TES: variants seen among roughly 807,000 people sequenced by gnomAD.
The protein encoded by TES is testin LIM domain protein, also known as testin.
Under a neutral mutation model 48.2 loss-of-function variants are expected in TES, and 41 were observed. That is an observed-to-expected ratio of 0.85 (90% confidence interval 0.66 to 1.10). The LOEUF (loss-of-function observed/expected upper bound fraction) is 1.10. Among genes scored for constraint, TES ranks in the 50% least tolerant of loss-of-function variants. The probability of loss-of-function intolerance (pLI) is 0.00; values close to 1 mark genes in which losing one functional copy is unlikely to be tolerated. For synonymous variants in TES, 162 were observed against 174.9 expected (o/e 0.93, Z 0.58); for missense variants, 463 against 515.1 (o/e 0.90, Z 0.98).
chr7:116,219,260 C>T (rs1023324475), intron 1 of TES, among the ~76,000 whole-genome samples: 10 of 152,088 alleles, frequency 6.6e-5, no homozygotes, highest in African/African-American at 2.2e-4. Flanking sequence ...TCAGTTTTGT[C>T]TCTTCTAAAA....
At chr7:116,216,066 C>T (rs1351891335) in intron 1 of TES, among the ~76,000 whole-genome samples, 7 of 152,218 alleles carry the variant, frequency 4.6e-5, no homozygotes, top group African/African-American at 1.2e-4. Context: ...TGTTAGCATG[C>T]GATCAACATC....
intron 2 of TES, 90 bp downstream of exon 2, chr7:116,234,709 ATGGTTGCT>A: frequency 9.4e-7 from 1 of 1,063,110 alleles, no homozygotes; most frequent in African/African-American, 1.6e-5. Flanking sequence ...GTTCTCCAGC[ATGGTTGCT>A]AAGTTGCAGA....
At chr7:116,246,819 C>G (rs367737521) in intron 2 of TES, among the ~76,000 whole-genome samples, 2 of 151,952 alleles carry the variant, frequency 1.3e-5, no homozygotes, top group Non-Finnish European at 2.9e-5. Context: ...CAAATTACAC[C>G]CTCTCAAGGG....
intron 6 of TES, among the ~76,000 whole-genome samples, chr7:116,254,748 ATATAT>A (rs1202449652): frequency 9.6e-6 from 1 of 104,360 alleles, no homozygotes; most frequent in African/African-American, 3.8e-5. Flanking sequence ...CTCAAAAAAA[ATATAT>A]ATATATGTGT....
chr7:116,224,019 C>T (rs1049633365), intron 1 of TES, among the ~76,000 whole-genome samples: 3 of 152,234 alleles, frequency 2.0e-5, no homozygotes, highest in African/African-American at 7.2e-5. Context: ...GAAGCAATGG[C>T]ATCACTTCCG....
At chr7:116,229,146 C>T (rs958636424) in intron 1 of TES, among the ~76,000 whole-genome samples, 2 of 151,640 alleles carry the variant, frequency 1.3e-5, no homozygotes, top group African/African-American at 2.4e-5. Context: ...ACAGCTAGTT[C>T]GCCTTAGCTG....
Position 116,257,676 on chromosome 7 carries a change from A to G in TES, c.*194A>G. The G allele has an allele frequency of 2.1e-6, 1 of 477,094 alleles. No individual in the cohort carries two copies. The highest frequency in any genetic ancestry group is 3.9e-5 in the South Asian group (1 of 25,802). 29.6% of individuals were successfully genotyped at this position (477,094 alleles called of 1,614,324 possible). A position where few individuals can be genotyped will look rare whatever the true frequency, so the allele number is the denominator to read the frequency against. Reference sequence around the variant, plus strand: ...CTCAACTTTTAAACTTGGTTTAAGCATTTGATTTGTAAAACAGTAAATAAT... The same window carrying G: ...CTCAACTTTTAAACTTGGTTTAAGCGTTTGATTTGTAAAACAGTAAATAAT... On this transcript the variant is annotated 3_prime_UTR_variant, in exon 7 of 7. Coordinates refer to ENST00000358204, the MANE Select transcript of TES (RefSeq NM_015641.4).
chr7:116,215,557 C>T (rs1054501549), intron 1 of TES, among the ~76,000 whole-genome samples: 1 of 152,146 alleles, frequency 6.6e-6, no homozygotes, highest in Non-Finnish European at 1.5e-5. Flanking sequence ...ATAGCATAAA[C>T]TCCAATAATA....
At chr7:116,252,591 C>A in intron 6 of TES, 115 bp downstream of exon 6, 1 of 1,449,158 alleles carries the variant, frequency 6.9e-7, no homozygotes, top group Non-Finnish European at 9.7e-7. Flanking sequence ...AAGTAGAAAG[C>A]AAATTATTCC....
At chr7:116,252,018 C>A in intron 5 of TES, 43 bp downstream of exon 5, 2 of 1,580,556 alleles carry the variant, frequency 1.3e-6, no homozygotes, top group East Asian at 2.2e-5. Context: ...CCCTCTTAGA[C>A]CCTCATATGG....
At chr7:116,237,170 A>T (rs755654034) in intron 2 of TES, among the ~76,000 whole-genome samples, 5 of 152,180 alleles carry the variant, frequency 3.3e-5, no homozygotes, top group Non-Finnish European at 5.9e-5. Flanking sequence ...TGGGTGAAGT[A>T]GACATGGGAT....
chr7:116,250,641 G>T, intron 4 of TES, 145 bp downstream of exon 4: 1 of 652,008 alleles, frequency 1.5e-6, no homozygotes, highest in Non-Finnish European at 2.3e-6. Flanking sequence ...ATTCAGTTTA[G>T]ACTTCCCACA....
In TES at chr7:116,252,438, CCCG is replaced by C; in HGVS notation, c.1040_1042del (p.Pro347_Val348delinsLeu). ...GATATACGTGATGGTCAATGACAAG[CCCG>C]TGTGCAAGCCCTGCTATGTGAAGAA... is the stretch of plus-strand genomic sequence containing the variant. On this transcript the variant is annotated inframe_deletion, in exon 6 of 7. Coordinates refer to ENST00000358204, the MANE Select transcript of TES (RefSeq NM_015641.4). 6.2e-7 allele frequency: 1 copy of C among 1,614,164 alleles called. No homozygotes were observed. The highest frequency in any genetic ancestry group is 8.5e-7 in the Non-Finnish European group (1 of 1,180,038).
intron 1 of TES, among the ~76,000 whole-genome samples, chr7:116,230,999 T>C (rs900657360): frequency 2.6e-5 from 4 of 152,210 alleles, no homozygotes; most frequent in Non-Finnish European, 5.9e-5. Context: ...GCAAGAGTGT[T>C]TCTGGAAAAG....
intron 4 of TES, among the ~76,000 whole-genome samples, chr7:116,251,256 G>A (rs972634318): frequency 2.0e-5 from 3 of 152,158 alleles, no homozygotes; most frequent in South Asian, 2.1e-4. Flanking sequence ...TTGAATAGCC[G>A]GGAGAAAGCT....
At position 116,258,318 on chromosome 7, in the gene TES, C is replaced by T. The variant is rs929838796; in HGVS notation, c.*836C>T. The stretch of plus-strand genomic sequence containing the variant: ...AGAGACAGGTTTTCACCATGTTAGC[C>T]AGGCTGGTCTCAAACTCCTGACCTC... On this transcript the variant is annotated 3_prime_UTR_variant, in exon 7 of 7. Coordinates refer to ENST00000358204, the MANE Select transcript of TES (RefSeq NM_015641.4). The T allele has an allele frequency of 1.3e-5, 2 of 152,360 alleles. No homozygotes were observed. Among genetic ancestry groups the T allele is most frequent in the African/African-American group, 4.8e-5 (2 of 41,408 alleles). The allele number at this position is 152,360 out of a possible 1,614,324, so 9.4% of individuals were successfully genotyped here.
Position 116,251,963 on chromosome 7 carries a change from T to G in TES, c.906T>G (p.Ala302=). ...HYCDSEKPRC[A]GCDELIFSNE... ...GTGACAGCGAGAAACCCCGATGTGC[T>G]GGCTGTGACGAGGTATGTTCTATGG... The change falls in exon 5 of 7, where the codon GCT becomes GCG. Residue 302 remains alanine, a synonymous_variant. Coordinates refer to ENST00000358204, the MANE Select transcript of TES (RefSeq NM_015641.4). The G allele has an allele frequency of 6.2e-7, 1 of 1,614,188 alleles. No individual in the cohort carries two copies. Among genetic ancestry groups the G allele is most frequent in the Non-Finnish European group, 8.5e-7 (1 of 1,180,028 alleles).
In TES at chr7:116,251,968, G is replaced by A. The variant is rs1800019828; in HGVS notation, c.911G>A (p.Cys304Tyr). ...CDSEKPRCAG[C>Y]DELIFSNEYT... is the part of the protein sequence containing the mutation. ...AGCGAGAAACCCCGATGTGCTGGCTGTGACGAGGTATGTTCTATGGGACCA... is the reference window on the plus strand; with the variant it reads ...AGCGAGAAACCCCGATGTGCTGGCTATGACGAGGTATGTTCTATGGGACCA... The change falls in exon 5 of 7, where the codon TGT becomes TAT. Residue 304 changes from cysteine (C) to tyrosine (Y), a missense_variant. Coordinates refer to ENST00000358204, the MANE Select transcript of TES (RefSeq NM_015641.4). 1 of 1,614,202 alleles carries A rather than the reference G, an allele frequency of 6.2e-7. No homozygotes were observed. The highest frequency in any genetic ancestry group is 8.5e-7 in the Non-Finnish European group (1 of 1,180,016).
chr7:116,227,220 G>A (rs1004313336), intron 1 of TES, among the ~76,000 whole-genome samples: 1 of 151,502 alleles, frequency 6.6e-6, no homozygotes, highest in Non-Finnish European at 1.5e-5. Flanking sequence ...GAGTTCAAGC[G>A]ATTCTCCTGC....
Sources: allele counts gnomAD v4.1 joint callset (sites outside exome capture counted in the v4.1 genomes callset), GRCh38; gene constraint gnomAD v4.1.1; transcripts MANE v1.5; gene names NCBI Gene and HGNC (gene_info 2026-07-23, HGNC 2026-07-21).